The following SOS1 variants were observed in gnomAD, a reference collection of about 807,000 sequenced individuals.
SOS1 encodes the protein son of sevenless homolog 1.
A neutral mutation model predicts 157.6 loss-of-function variants in SOS1; 25 were observed. The observed-to-expected ratio is 0.16, with a 90% CI of 0.12 to 0.22. The LOEUF (loss-of-function observed/expected upper bound fraction) is 0.22, where lower values mean the gene tolerates loss of function less well. SOS1 is among the 10% of genes least tolerant of loss of function. The pLI is 1.00. For missense variants in SOS1, 1,237 were observed against 1,599.1 expected, an observed-to-expected ratio of 0.77 and a Z score of 3.86; for synonymous variants, 528 against 534.0, an observed-to-expected ratio of 0.99 and a Z score of 0.16.
At chr2:39,100,582 C>A (rs147127645) in intron 1 of SOS1, among the ~76,000 whole-genome samples, 2 of 152,204 alleles carry the variant, frequency 1.3e-5, no homozygotes. Flanking sequence ...CTGATGACAT[C>A]GCTTATATAT....
At chr2:39,103,787 G>C (rs755525605) in intron 1 of SOS1, among the ~76,000 whole-genome samples, 3 of 152,176 alleles carry the variant, frequency 2.0e-5, no homozygotes, top group African/African-American at 4.8e-5. Context: ...AGAAAAAACA[G>C]ATAAATCTGA....
rs1252669504 is a variant in SOS1 at position 38,986,118 on chromosome 2, G to A, written c.3708C>T (p.Pro1236=). The change falls in exon 23 of 23, where the codon CCC becomes CCT. Residue 1236 remains proline, a synonymous_variant. Coordinates refer to ENST00000402219, the MANE Select transcript of SOS1 (RefSeq NM_005633.4). The stretch of plus-strand genomic sequence containing the variant: ...CATGGTCACTTTTTTTGCCCAAAGG[G>A]GGAGGTTGGAGATGTAGTGGTGAGC... The part of the protein sequence containing the change: ...FSSSPLHLQP[P]PLGKKSDHGN... 1.2e-6 allele frequency: 2 copies of A among 1,613,742 alleles called. No homozygotes were observed. Among genetic ancestry groups the A allele is most frequent in the African/African-American group, 1.3e-5 (1 of 74,862 alleles).
chr2:39,005,133 CG>C (rs1669244257), intron 17 of SOS1, among the ~76,000 whole-genome samples: 1 of 152,090 alleles, frequency 6.6e-6, no homozygotes, highest in African/African-American at 2.4e-5. Flanking sequence ...TACATACATA[CG>C]TATGAGCTTA....
intron 10 of SOS1, among the ~76,000 whole-genome samples, chr2:39,018,113 A>G (rs1304022739): frequency 6.6e-6 from 1 of 151,996 alleles, no homozygotes; most frequent in African/African-American, 2.4e-5. Flanking sequence ...AGGTAAACAC[A>G]TAAAAATACA....
intron 1 of SOS1, among the ~76,000 whole-genome samples, chr2:39,090,736 T>C (rs765096190): frequency 3.9e-5 from 6 of 152,154 alleles, no homozygotes; most frequent in Non-Finnish European, 8.8e-5. Context: ...AAAACTTTAG[T>C]GCTTATCACA....
At position 39,097,392 on chromosome 2, in the gene SOS1, T is replaced by C. The variant is rs540982209; in HGVS notation, c.87+22944A>G. 3.9e-4 allele frequency among the ~76,000 whole-genome samples: 59 copies of C among 152,284 alleles called. 1 individual carries two copies. The South Asian group carries it at 8.3e-3, about 21-fold the overall frequency. ...CGGTCCATGAACCAAAGCATCAACATGTTCTGTTAAAAATGTAAATTCCTG... is the reference window on the plus strand; with the variant it reads ...CGGTCCATGAACCAAAGCATCAACACGTTCTGTTAAAAATGTAAATTCCTG... On this transcript the variant is annotated intron_variant, in intron 1 of 22. Transcript: ENST00000402219.
At chr2:39,124,304 A>G (rs1572909969), upstream of SOS1, 1 of 152,290 alleles carries the variant, frequency 6.6e-6, no homozygotes, top group African/African-American at 2.4e-5. Context: ...CTCAGCTTTT[A>G]CCGCCGACGG....
rs189732388 is a variant in SOS1 at position 39,084,712 on chromosome 2, C to G, written c.88-16959G>C. On this transcript the variant is annotated intron_variant, in intron 1 of 22. Coordinates refer to ENST00000402219, the MANE Select transcript of SOS1 (RefSeq NM_005633.4). ...AAGACATATTTAAAGTCCTTTCCCA[C>G]AGAAAATAACTATACACATCAAATT... Among the ~76,000 whole-genome samples, 577 of 152,292 alleles carry G rather than the reference C, an allele frequency of 3.8e-3. 1 individual carries two copies. The highest frequency in any genetic ancestry group is 0.014 in the Middle Eastern group (4 of 294).
chr2:38,990,719 T>C (rs1382715248), intron 20 of SOS1, among the ~76,000 whole-genome samples: 1 of 152,210 alleles, frequency 6.6e-6, no homozygotes, highest in Non-Finnish European at 1.5e-5. Flanking sequence ...ATTGTACATA[T>C]GCATGCACAC....
upstream of SOS1, among the ~76,000 whole-genome samples, chr2:39,121,742 G>A (rs1324813469): frequency 6.6e-6 from 1 of 152,134 alleles, no homozygotes; most frequent in Non-Finnish European, 1.5e-5. Flanking sequence ...AAACTGGAAG[G>A]CAGATCTTTT....
At chr2:39,006,104 T>C (rs564780663) in intron 17 of SOS1, among the ~76,000 whole-genome samples, 3 of 152,150 alleles carry the variant, frequency 2.0e-5, no homozygotes, top group Admixed American at 1.3e-4. Context: ...ATAAATATAG[T>C]TGAGTTTGGC....
intron 6 of SOS1, among the ~76,000 whole-genome samples, chr2:39,048,455 C>T (rs562418501): frequency 2.0e-5 from 3 of 151,654 alleles, no homozygotes; most frequent in East Asian, 3.9e-4. Context: ...GTCTGGAGTA[C>T]AGTGGCATGA....
At chr2:39,120,117 A>C (rs1298298110) in intron 1 of SOS1, among the ~76,000 whole-genome samples, 4 of 152,036 alleles carry the variant, frequency 2.6e-5, no homozygotes, top group Non-Finnish European at 5.9e-5. Context: ...TATCCGGATA[A>C]ACTCCCCCCG....
intron 16 of SOS1, 65 bp downstream of exon 16, chr2:39,006,966 G>C: frequency 2.8e-6 from 3 of 1,062,204 alleles, no homozygotes; most frequent in East Asian, 4.8e-5. Context: ...GATAATAATT[G>C]TTAAAAATCT....
intron 1 of SOS1, among the ~76,000 whole-genome samples, chr2:39,105,123 G>A (rs7571731): frequency 6.6e-6 from 1 of 152,106 alleles, no homozygotes; most frequent in African/African-American, 2.4e-5. Context: ...TTATCAGTAA[G>A]TGCATTCCAT....
intron 1 of SOS1, among the ~76,000 whole-genome samples, chr2:39,118,015 G>A (rs530789194): frequency 3.3e-5 from 5 of 152,196 alleles, no homozygotes; most frequent in African/African-American, 4.8e-5. Flanking sequence ...TATAAGTATG[G>A]GGAATAAAAT....
chr2:39,037,265 C>T (rs530462463), intron 6 of SOS1, among the ~76,000 whole-genome samples: 6 of 152,276 alleles, frequency 3.9e-5, no homozygotes, highest in African/African-American at 9.6e-5. Flanking sequence ...ATACAGTGGA[C>T]GGAAGAGAAG....
Position 38,983,715 on chromosome 2 carries a change from G to A in SOS1, c.*2109C>T, listed in dbSNP as rs1242686653. 6.6e-6 allele frequency: 1 copy of A among 152,154 alleles called. No individual in the cohort carries two copies. The highest frequency in any genetic ancestry group is 1.5e-5 in the Non-Finnish European group (1 of 68,022). The allele number at this position is 152,154 out of a possible 1,614,324, so 9.4% of individuals were successfully genotyped here. On this transcript the variant is annotated 3_prime_UTR_variant, in exon 23 of 23. Coordinates refer to ENST00000402219, the MANE Select transcript of SOS1 (RefSeq NM_005633.4). ...GAGACATAAAAAGAGAAATCTTAGG[G>A]ACAATGAGGCTGGCCCAGTATAAAG...
chr2:39,102,232 T>A (rs1160563832), intron 1 of SOS1, among the ~76,000 whole-genome samples: 27 of 18,328 alleles, frequency 1.5e-3, no homozygotes, highest in East Asian at 3.1e-3. Flanking sequence ...AAAAAAAAAG[T>A]GCCACTTTGT....
Sources: allele counts gnomAD v4.1 joint callset (sites outside exome capture counted in the v4.1 genomes callset), GRCh38; gene constraint gnomAD v4.1.1; transcripts MANE v1.5; gene names NCBI Gene and HGNC (gene_info 2026-07-23, HGNC 2026-07-21).